Variants in MARCHF6 observed in about 807,000 individuals in gnomAD.
The protein encoded by MARCHF6 is E3 ubiquitin-protein ligase MARCHF6.
MARCHF6 carries 31 observed loss-of-function variants against 133.7 expected under a neutral mutation model. The observed-to-expected ratio is 0.23, with a 90% CI of 0.17 to 0.31. MARCHF6 has a LOEUF of 0.31. Among genes scored for constraint, MARCHF6 ranks in the 10% least tolerant of loss-of-function variants. MARCHF6 has a pLI of 1.00. For synonymous variants in MARCHF6, 395 were observed against 402.5 expected, an observed-to-expected ratio of 0.98 and a Z score of 0.22; for missense variants, 723 against 1,121.6, an observed-to-expected ratio of 0.64 and a Z score of 5.08.
chr5:10,405,373 A>T (rs1253536015), intron 15 of MARCHF6, among the ~76,000 whole-genome samples, 185 bp from the exon 16 acceptor site: 1 of 151,952 alleles, frequency 6.6e-6, no homozygotes, highest in African/African-American at 2.4e-5. Context: ...CATCAGACAC[A>T]GGGTAGTTTT....
intron 10 of MARCHF6, among the ~76,000 whole-genome samples, chr5:10,398,713 T>G (rs895306846): frequency 1.3e-5 from 2 of 152,184 alleles, no homozygotes; most frequent in African/African-American, 4.8e-5. Context: ...AAATAAGAAC[T>G]CTGATTTATA....
At chr5:10,378,494 A>T (rs1380726750) in intron 2 of MARCHF6, among the ~76,000 whole-genome samples, 1 of 152,180 alleles carries the variant, frequency 6.6e-6, no homozygotes, top group Non-Finnish European at 1.5e-5. Flanking sequence ...AGATTCTTTC[A>T]TGTTCATTTT....
At chr5:10,407,744 G>C (rs1738984739) in intron 17 of MARCHF6, among the ~76,000 whole-genome samples, 1 of 152,076 alleles carries the variant, frequency 6.6e-6, no homozygotes. Context: ...ACCTGAGATT[G>C]GGAGTTTGAG....
rs1254173722 is a variant in MARCHF6, at chr5:10,426,430, T to C, written c.2414T>C (p.Ile805Thr). Residue 805 changes from isoleucine (I) to threonine (T), a missense_variant, in exon 24 of 26, where the codon ATT becomes ACT. Ile to Thr is a moderately conservative substitution (Grantham distance 89). Around this residue, in one of 4 missense-constraint regions of MARCHF6, gnomAD observed 492 missense variants for 699.5 expected, o/e 0.70. Coordinates refer to ENST00000274140, the MANE Select transcript of MARCHF6 (RefSeq NM_005885.4). Reference sequence around the variant, plus strand: ...ATCCGGAACATTGACCTTCACTATATTGTTCGTAAACTGGCAGCTCCCGTG... The same window carrying C: ...ATCCGGAACATTGACCTTCACTATACTGTTCGTAAACTGGCAGCTCCCGTG... ...NGIRNIDLHYIVRKLAAPVIS... is the reference protein window; with the variant it reads ...NGIRNIDLHYTVRKLAAPVIS... The C allele has an allele frequency of 6.2e-7, 1 of 1,614,168 alleles. No homozygotes were observed. Among genetic ancestry groups the C allele is most frequent in the Non-Finnish European group, 8.5e-7 (1 of 1,180,000 alleles).
intron 5 of MARCHF6, 90 bp from the exon 6 acceptor site, chr5:10,390,242 T>TTTTG: frequency 1.0e-6 from 1 of 978,392 alleles, no homozygotes; most frequent in Non-Finnish European, 1.5e-6. Context: ...TTTTTTTTTC[T>TTTTG]GAGACTTTAG....
chr5:10,387,019 T>A lies in MARCHF6; in HGVS notation c.360T>A (p.Thr120=). The change falls in exon 5 of 26, where the codon ACT becomes ACA. Residue 120 remains threonine, a synonymous_variant. Transcript: ENST00000274140. Reference sequence around the variant, plus strand: ...GCCGCATCTACAAGTGCTTGTTTACTGGCTCCGTGAGCTCACTACTGACGC... The same window carrying A: ...GCCGCATCTACAAGTGCTTGTTTACAGGCTCCGTGAGCTCACTACTGACGC... ...TACRIYKCLF[T]GSVSSLLTLP... 6.2e-7 allele frequency: 1 copy of A among 1,613,304 alleles called. No homozygotes were observed. Among genetic ancestry groups the A allele is most frequent in the South Asian group, 1.1e-5 (1 of 91,016 alleles).
intron 1 of MARCHF6, among the ~76,000 whole-genome samples, chr5:10,367,898 T>A (rs1736230505): frequency 6.6e-6 from 1 of 152,220 alleles, no homozygotes. Flanking sequence ...AATAGAAATT[T>A]CCCTTTGAAA....
chr5:10,406,582 G>C (rs865965660), intron 16 of MARCHF6, among the ~76,000 whole-genome samples: 1 of 151,876 alleles, frequency 6.6e-6, no homozygotes, highest in Non-Finnish European at 1.5e-5. Context: ...TAGATGCGGG[G>C]TTTCACTATG....
intron 1 of MARCHF6, among the ~76,000 whole-genome samples, chr5:10,374,759 A>G (rs1471340187): frequency 2.6e-5 from 4 of 152,214 alleles, no homozygotes; most frequent in African/African-American, 9.6e-5. Context: ...ATTAATGCCC[A>G]TGACCCACTA....
chr5:10,392,559 G>C (rs1579569647), intron 7 of MARCHF6, among the ~76,000 whole-genome samples: 1 of 152,054 alleles, frequency 6.6e-6, no homozygotes, highest in Admixed American at 6.5e-5. Flanking sequence ...TTTGAGACCA[G>C]CTTGGCCAAC....
At chr5:10,404,385 C>T (rs1031781139) in intron 15 of MARCHF6, among the ~76,000 whole-genome samples, 1 of 152,014 alleles carries the variant, frequency 6.6e-6, no homozygotes, top group Non-Finnish European at 1.5e-5. Context: ...TTTATTAGTT[C>T]TATGTTTCTA....
intron 1 of MARCHF6, among the ~76,000 whole-genome samples, chr5:10,377,107 AC>A (rs1466782401): frequency 1.3e-5 from 2 of 152,118 alleles, no homozygotes; most frequent in African/African-American, 2.4e-5. Context: ...CAGGCAGAAG[AC>A]AGACAAATAT....
chr5:10,405,876 A>C (rs1738854873), intron 16 of MARCHF6, among the ~76,000 whole-genome samples, 199 bp downstream of exon 16: 1 of 152,216 alleles, frequency 6.6e-6, no homozygotes, highest in Admixed American at 6.5e-5. Context: ...AAAGATATTT[A>C]CTAAAAGGAA....
At chr5:10,391,450 T>TTG (rs1737832350) in intron 6 of MARCHF6, 92 bp from the exon 7 acceptor site, 1 of 539,094 alleles carries the variant, frequency 1.9e-6, no homozygotes, top group Admixed American at 4.4e-5. Flanking sequence ...TTTTTTTTTT[T>TTG]TTTTTTTTTT....
intron 21 of MARCHF6, 80 bp downstream of exon 21, chr5:10,415,749 TGGCAC>T: frequency 8.2e-7 from 1 of 1,220,070 alleles, no homozygotes; most frequent in Non-Finnish European, 1.1e-6. Context: ...TTTTTTTTTT[TGGCAC>T]ATTTATTTCC....
rs373252255 is a variant in MARCHF6 at position 10,403,388 on chromosome 5, C to G, written c.1198-19C>G. The stretch of plus-strand genomic sequence containing the variant: ...TGTAGGGGGCACAGATTTCTCTTAC[C>G]TGTCCTCTTTTGTCTCAGGAAATGT... On this transcript the variant is annotated intron_variant, in intron 14 of 25. Transcript: ENST00000274140. The G allele has an allele frequency of 8.1e-6, 13 of 1,605,526 alleles. No homozygotes were observed. The highest frequency in any genetic ancestry group is 1.1e-5 in the Non-Finnish European group (13 of 1,176,820).
intron 3 of MARCHF6, among the ~76,000 whole-genome samples, chr5:10,379,150 C>T (rs1412157696): frequency 1.3e-5 from 2 of 151,990 alleles, no homozygotes; most frequent in African/African-American, 4.8e-5. Flanking sequence ...CACATGAACC[C>T]ATCACTTAGT....
intron 11 of MARCHF6, chr5:10,401,681 C>A (rs764760790): frequency 8.1e-6 from 2 of 246,080 alleles, no homozygotes; most frequent in Non-Finnish European, 1.5e-5. Flanking sequence ...AGGATATTAC[C>A]CAGCTGGTGG....
intron 19 of MARCHF6, 77 bp downstream of exon 19, chr5:10,411,614 G>A (rs1739237126): frequency 2.5e-6 from 3 of 1,183,376 alleles, no homozygotes; most frequent in Non-Finnish European, 3.6e-6. Context: ...TTGAGAATTG[G>A]TGCTATTAGT....
Sources: gnomAD v4.1 joint callset for allele counts (sites outside exome capture counted in the v4.1 genomes callset) on GRCh38, gnomAD v4.1.1 for gene constraint, gnomAD v4.1.1 regional missense constraint, MANE v1.5 for transcripts, NCBI Gene and HGNC (gene_info 2026-07-23, HGNC 2026-07-21) for gene names.